Variants in TAFA5 observed in about 807,000 individuals in gnomAD.
TAFA5 encodes TAFA chemokine like family member 5.
Under a neutral mutation model 15.3 loss-of-function variants are expected in TAFA5, and 6 were observed. That is an observed-to-expected ratio of 0.39 (90% confidence interval 0.21 to 0.77). The LOEUF is 0.77. Among genes scored for constraint, TAFA5 ranks in the 30% least tolerant of loss-of-function variants. The pLI is 0.41. For synonymous variants in TAFA5, 103 were observed against 80.7 expected (o/e 1.28, Z -1.48); for missense variants, 161 against 193.1 (o/e 0.83, Z 0.98).
intron 2 of TAFA5, among the ~76,000 whole-genome samples, chr22:48,664,404 C>T (rs8137195): frequency 0.064 from 9,693 of 152,164 alleles, 442 homozygotes; most frequent in African/African-American, 0.12. Context: ...CCTTGTGAAA[C>T]GACGTCTGTA....
chr22:48,698,950 TTTTTTTGGC>T (rs758045009), intron 2 of TAFA5, among the ~76,000 whole-genome samples: 4 of 135,310 alleles, frequency 3.0e-5, no homozygotes, highest in African/African-American at 1.2e-4. Flanking sequence ...TTTTTTTTTT[TTTTTTTGGC>T]GCGACCAAGG....
At position 48,674,551 on chromosome 22, in the gene TAFA5, C is replaced by T. The variant is rs1055935201; in HGVS notation, c.262+27805C>T. ...ATTGAATCGCGTCATTTGCAAACCA[C>T]GCTTTTGTTTGGGCGTCGACATTGG... On this transcript the variant is annotated intron_variant, in intron 2 of 3. Transcript: ENST00000402357. Among the ~76,000 whole-genome samples the T allele has an allele frequency of 2.0e-5, 3 of 152,174 alleles. No homozygotes were observed. The East Asian group carries it at 5.8e-4, about 29-fold the overall frequency.
At position 48,731,898 on chromosome 22, in the gene TAFA5, T is replaced by C. The variant is rs1252396063; in HGVS notation, c.391-17941T>C. ...TTAAGAAATACATTTGATAAGGCTA[T>C]AGCTGTCATAGATCATGATTCCTCT... On this transcript the variant is annotated intron_variant, in intron 3 of 3. Transcript: ENST00000402357. Among the ~76,000 whole-genome samples the C allele has an allele frequency of 2.0e-5, 3 of 152,228 alleles. No homozygotes were observed. In the South Asian group the frequency reaches 6.2e-4, roughly 32 times the overall value.
At chr22:48,563,486 G>A (rs1388866407) in intron 1 of TAFA5, among the ~76,000 whole-genome samples, 1 of 152,210 alleles carries the variant, frequency 6.6e-6, no homozygotes, top group East Asian at 1.9e-4. Context: ...CTGAAGGCGG[G>A]TGGCGTGTGG....
At chr22:48,559,253 C>T (rs906895328) in intron 1 of TAFA5, among the ~76,000 whole-genome samples, 1 of 152,230 alleles carries the variant, frequency 6.6e-6, no homozygotes, top group East Asian at 1.9e-4. Context: ...TGCCCCGCAG[C>T]AGATTTTGGG....
chr22:48,634,404 C>T lies in TAFA5; in HGVS notation c.113-12193C>T, dbSNP rs1926366543. Among the ~76,000 whole-genome samples, 6 of 152,166 alleles carry T rather than the reference C, an allele frequency of 3.9e-5. No homozygotes were observed. The South Asian group carries it at 1.0e-3, about 26-fold the overall frequency. ...ATTCAGTCACGCACTCATTTATTCA[C>T]TCATTCACTCCTTTACTCATTCACT... On this transcript the variant is annotated intron_variant, in intron 1 of 3. Coordinates refer to ENST00000402357, the MANE Select transcript of TAFA5 (RefSeq NM_001082967.3).
intron 3 of TAFA5, among the ~76,000 whole-genome samples, chr22:48,734,746 G>C (rs1303635126): frequency 6.6e-6 from 1 of 152,236 alleles, no homozygotes; most frequent in African/African-American, 2.4e-5. Context: ...AATGAACCCA[G>C]GTGTTCCTGA....
At chr22:48,633,552 C>CCA (rs201154985) in intron 1 of TAFA5, among the ~76,000 whole-genome samples, 6,466 of 150,392 alleles carry the variant, frequency 0.043, 533 homozygotes, top group African/African-American at 0.15. Flanking sequence ...CTCTCTCTCT[C>CCA]TCTCTCCATC....
At chr22:48,707,526 A>G (rs1424207493) in intron 2 of TAFA5, among the ~76,000 whole-genome samples, 191 bp from the exon 3 acceptor site, 1 of 152,140 alleles carries the variant, frequency 6.6e-6, no homozygotes, top group Admixed American at 6.5e-5. Flanking sequence ...GGGAGCAAGC[A>G]CTAAACCAGG....
chr22:48,737,388 C>G lies in TAFA5; in HGVS notation c.391-12451C>G, dbSNP rs955646036. 2.6e-5 allele frequency among the ~76,000 whole-genome samples: 4 copies of G among 152,172 alleles called. No homozygotes were observed. In the East Asian group the frequency reaches 7.7e-4, roughly 29 times the overall value. On this transcript the variant is annotated intron_variant, in intron 3 of 3. Coordinates refer to ENST00000402357, the MANE Select transcript of TAFA5 (RefSeq NM_001082967.3). ...TAGTGGGAGGTGCTTCTGACGCTGC[C>G]TTTGAGGAGCGCCCCTGAGCCTGCC... is the stretch of plus-strand genomic sequence containing the variant.
intron 2 of TAFA5, among the ~76,000 whole-genome samples, chr22:48,672,485 T>C (rs1927832572): frequency 6.6e-6 from 1 of 152,236 alleles, no homozygotes; most frequent in Non-Finnish European, 1.5e-5. Flanking sequence ...ATTGAAGAAG[T>C]TGCCGCATAT....
chr22:48,662,724 C>T (rs9325972), intron 2 of TAFA5, among the ~76,000 whole-genome samples: 43,532 of 152,130 alleles, frequency 0.29, 6,751 homozygotes, highest in African/African-American at 0.41. Flanking sequence ...GGCAAGCCTG[C>T]TTGGGTGTGG....
intron 1 of TAFA5, among the ~76,000 whole-genome samples, chr22:48,628,226 A>G (rs1926091717): frequency 6.6e-6 from 1 of 152,210 alleles, no homozygotes; most frequent in South Asian, 2.1e-4. Flanking sequence ...ACTTCTCCAC[A>G]GGCCCAGGCC....
chr22:48,666,684 GAC>G (rs778002016), intron 2 of TAFA5, among the ~76,000 whole-genome samples: 3 of 152,208 alleles, frequency 2.0e-5, no homozygotes, highest in Non-Finnish European at 4.4e-5. Context: ...GAATCCCCGT[GAC>G]AGCGTCACAC....
At chr22:48,580,749 T>G (rs1411972932) in intron 1 of TAFA5, among the ~76,000 whole-genome samples, 1 of 152,210 alleles carries the variant, frequency 6.6e-6, no homozygotes, top group Non-Finnish European at 1.5e-5. Context: ...AGTCTTGGCA[T>G]GGGGCTGCCC....
chr22:48,560,020 C>T lies in TAFA5; in HGVS notation c.112+70316C>T, dbSNP rs888769674. On this transcript the variant is annotated intron_variant, in intron 1 of 3. Coordinates refer to ENST00000402357, the MANE Select transcript of TAFA5 (RefSeq NM_001082967.3). This position sits in a 1 kb window ranked among gnomAD's most constrained non-coding sequence, Gnocchi z 4.2. ...GTGAGGGTCTGGGCAGGAGTGACTG[C>T]AGGGTCTTCTTTCTATGCACACGCC... 1.3e-5 allele frequency among the ~76,000 whole-genome samples: 2 copies of T among 152,170 alleles called. No homozygotes were observed. The highest frequency in any genetic ancestry group is 4.8e-5 in the African/African-American group (2 of 41,436).
rs373006993 is a variant in TAFA5 at position 48,717,668 on chromosome 22, G to T, written c.390+9824G>T. ...ATTCATCAGGCCCCGTTCTCTGTCG[G>T]GCACTGCAGGTGCCATTGGAGAGTT... On this transcript the variant is annotated intron_variant, in intron 3 of 3. Transcript: ENST00000402357. Among the ~76,000 whole-genome samples the T allele has an allele frequency of 4.5e-4, 68 of 152,318 alleles. 2 individuals carry two copies. In the South Asian group the frequency reaches 0.014, roughly 31 times the overall value.
chr22:48,582,885 CTGCACACAAAGTACA>C (rs1924131587), intron 1 of TAFA5, among the ~76,000 whole-genome samples: 1 of 138,184 alleles, frequency 7.2e-6, no homozygotes, highest in African/African-American at 3.2e-5. Context: ...ACCACACACA[CTGCACACAAAGTACA>C]CCACACACAA....
At chr22:48,709,994 C>T (rs766549434) in intron 3 of TAFA5, among the ~76,000 whole-genome samples, 1 of 152,206 alleles carries the variant, frequency 6.6e-6, no homozygotes. Context: ...GATTTTAAAG[C>T]GAGCAGCTCA....
Sources: gnomAD v4.1 joint callset for allele counts (sites outside exome capture counted in the v4.1 genomes callset) on GRCh38, gnomAD v4.1.1 for gene constraint, Gnocchi (gnomAD v3.1) non-coding constraint, MANE v1.5 for transcripts, NCBI Gene and HGNC (gene_info 2026-07-23, HGNC 2026-07-21) for gene names.